PTPRN2: variants seen among roughly 807,000 people sequenced by gnomAD.
PTPRN2 encodes the protein receptor-type tyrosine-protein phosphatase N2.
In PTPRN2, 74 loss-of-function variants were observed where a neutral mutation model predicts 118.8. The ratio of observed to expected loss-of-function variants is 0.62; its 90% confidence interval spans 0.52 to 0.76. The LOEUF (loss-of-function observed/expected upper bound fraction) is 0.76. Ranked by LOEUF, PTPRN2 falls within the 30% of genes least tolerant of loss-of-function variation. PTPRN2 has a pLI of 0.00. For synonymous variants in PTPRN2, 641 were observed against 608.0 expected (o/e 1.05, Z -0.80); for missense variants, 1,481 against 1,394.4 (o/e 1.06, Z -0.99).
At chr7:157,651,779 C>T (rs938723608) in intron 14 of PTPRN2, among the ~76,000 whole-genome samples, 3 of 152,244 alleles carry the variant, frequency 2.0e-5, no homozygotes, top group African/African-American at 7.2e-5. Flanking sequence ...TGCGAAGTCG[C>T]CTTCATCACG....
intron 3 of PTPRN2, among the ~76,000 whole-genome samples, chr7:158,220,881 C>CAAAAAAAAAA (rs201797228): frequency 7.9e-6 from 1 of 126,778 alleles, no homozygotes. Flanking sequence ...CATATGGATC[C>CAAAAAAAAAA]AAAAAAAAAA....
intron 11 of PTPRN2, among the ~76,000 whole-genome samples, chr7:157,949,735 C>T (rs961910000): frequency 6.6e-6 from 1 of 152,210 alleles, no homozygotes; most frequent in Non-Finnish European, 1.5e-5. Flanking sequence ...ATAAAAGTCT[C>T]CTGCTCTATA....
intron 3 of PTPRN2, among the ~76,000 whole-genome samples, chr7:158,284,095 A>G (rs1346944452): frequency 1.3e-5 from 2 of 152,214 alleles, no homozygotes; most frequent in Non-Finnish European, 2.9e-5. Flanking sequence ...ATGCTCTTCA[A>G]TTCTCTCAAG....
chr7:157,986,946 G>A lies in PTPRN2; in HGVS notation c.1724-88209C>T, dbSNP rs1043423290. ...CATTTGCACGGTATCAGCTATAGCC[G>A]CAGTGAGAGGGAGGCTGCTGGACAC... On this transcript the variant is annotated intron_variant, in intron 11 of 22. Coordinates refer to ENST00000389418, the MANE Select transcript of PTPRN2 (RefSeq NM_002847.5). The surrounding 1 kb of genome is among the most constrained non-coding windows in gnomAD (Gnocchi z 4.5). Among the ~76,000 whole-genome samples the A allele has an allele frequency of 1.4e-4, 21 of 152,130 alleles. No homozygotes were observed. The highest frequency in any genetic ancestry group is 4.1e-4 in the African/African-American group (17 of 41,428).
chr7:158,410,012 T>C (rs1318481225), intron 2 of PTPRN2, among the ~76,000 whole-genome samples: 1 of 152,242 alleles, frequency 6.6e-6, no homozygotes, highest in African/African-American at 2.4e-5. Flanking sequence ...CTGAACAGCC[T>C]GGGTGGCTCC....
intron 21 of PTPRN2, among the ~76,000 whole-genome samples, chr7:157,549,641 T>G (rs1407058697): frequency 2.0e-5 from 3 of 152,232 alleles, no homozygotes; most frequent in Admixed American, 2.0e-4. Flanking sequence ...CAAATCATGC[T>G]ACTTAAGTTT....
chr7:158,110,844 G>C lies in PTPRN2; in HGVS notation c.1628C>G (p.Ala543Gly). 1.3e-6 allele frequency: 2 copies of C among 1,588,548 alleles called. No homozygotes were observed. The highest frequency in any genetic ancestry group is 1.7e-6 in the Non-Finnish European group (2 of 1,167,048). The change falls in exon 10 of 23, where the codon GCG becomes GGG. Residue 543 changes from alanine to glycine, a missense_variant. Physicochemically the swap from Ala to Gly is moderately conservative, Grantham distance 60. Transcript: ENST00000389418. ...CCGTACTTACTCCACGTCAGCGAAC[G>C]CACTGCTGGGCACCTGCAGGAGGCG... ...VARLLQVPSS[A>G]FADVEVLGPA...
intron 17 of PTPRN2, among the ~76,000 whole-genome samples, chr7:157,593,380 T>A (rs1473129056): frequency 1.3e-5 from 2 of 152,230 alleles, no homozygotes; most frequent in African/African-American, 2.4e-5. Context: ...GTGGCTTTGC[T>A]GGACAGAGAA....
At chr7:158,378,077 G>A (rs866308538) in intron 2 of PTPRN2, among the ~76,000 whole-genome samples, 3 of 152,154 alleles carry the variant, frequency 2.0e-5, no homozygotes, top group East Asian at 3.9e-4. Flanking sequence ...ACCTGGCTCC[G>A]GGACTATACA....
At chr7:158,569,957 C>G (rs60672747) in intron 1 of PTPRN2, among the ~76,000 whole-genome samples, 38,719 of 151,848 alleles carry the variant, frequency 0.25, 5,204 homozygotes, top group East Asian at 0.44. Context: ...CCCTCAGCCC[C>G]GCGCCCTGGC....
rs181840781 is a variant in PTPRN2, at chr7:158,535,177, T to A, written c.113-45392A>T. Among the ~76,000 whole-genome samples the A allele has an allele frequency of 8.4e-4, 128 of 152,328 alleles. 2 individuals are homozygous for A. The highest frequency in any genetic ancestry group is 3.0e-3 in the African/African-American group (123 of 41,584). ...AGTGTTGAAGTTCTGAGTTACCCTG[T>A]AGCAAAGGCATATCTTGTTCCTTCC... is the stretch of plus-strand genomic sequence containing the variant. On this transcript the variant is annotated intron_variant, in intron 1 of 22. Coordinates refer to ENST00000389418, the MANE Select transcript of PTPRN2 (RefSeq NM_002847.5).
intron 3 of PTPRN2, among the ~76,000 whole-genome samples, chr7:158,260,476 C>G (rs73522316): frequency 2.4e-4 from 36 of 152,266 alleles, no homozygotes; most frequent in African/African-American, 8.2e-4. Context: ...GAGACACAAC[C>G]GGATACGACT....
chr7:157,564,140 T>A (rs564173167), intron 21 of PTPRN2, among the ~76,000 whole-genome samples: 19 of 137,302 alleles, frequency 1.4e-4, no homozygotes, highest in African/African-American at 4.3e-4. Context: ...GAAAAAAAAA[T>A]ATATTTTTGA....
At chr7:158,313,552 C>T (rs1423700796) in intron 3 of PTPRN2, among the ~76,000 whole-genome samples, 2 of 151,988 alleles carry the variant, frequency 1.3e-5, no homozygotes. Flanking sequence ...TGCCTGGGAC[C>T]TCTGTCTCTA....
intron 2 of PTPRN2, among the ~76,000 whole-genome samples, chr7:158,399,412 G>A (rs1449995679): frequency 6.6e-6 from 1 of 152,204 alleles, no homozygotes; most frequent in Non-Finnish European, 1.5e-5. Context: ...AGTGTTTTGG[G>A]AGGCCAAGGC....
chr7:157,798,174 G>A (rs867432653), intron 12 of PTPRN2, among the ~76,000 whole-genome samples: 12 of 152,334 alleles, frequency 7.9e-5, no homozygotes, highest in South Asian at 2.1e-4. Flanking sequence ...CAGGAGAATC[G>A]TTTGAACCTG....
intron 2 of PTPRN2, among the ~76,000 whole-genome samples, chr7:158,472,733 A>G (rs1670350): frequency 0.7 from 105,992 of 152,154 alleles, 37,118 homozygotes; most frequent in Admixed American, 0.78. Flanking sequence ...GAGCAGACCA[A>G]CGTCCCAAGA....
rs112214251 is a variant in PTPRN2 at position 157,777,496 on chromosome 7, C to T, written c.1789-94559G>A. Among the ~76,000 whole-genome samples, 5 of 140,478 alleles carry T rather than the reference C, an allele frequency of 3.6e-5. No individual in the cohort carries two copies. In the East Asian group the frequency reaches 5.8e-4, roughly 16 times the overall value. 92.2% of individuals were successfully genotyped at this position (140,478 alleles called of 152,430 possible). A position where few individuals can be genotyped will look rare whatever the true frequency, so the allele number is the denominator to read the frequency against. On this transcript the variant is annotated intron_variant, in intron 12 of 22. Transcript: ENST00000389418. ...CTCAGGGACGCAGCCTTCCTGATGC[C>T]GGAGGACACGCAGTGCCCCACACTG...
chr7:157,770,031 T>G (rs2151023713), intron 12 of PTPRN2, among the ~76,000 whole-genome samples: 2 of 152,326 alleles, frequency 1.3e-5, no homozygotes, highest in African/African-American at 4.8e-5. Flanking sequence ...CCGTCCGGCC[T>G]GGGGTTCTCT....
Sources: gnomAD v4.1 joint callset for allele counts (sites outside exome capture counted in the v4.1 genomes callset) on GRCh38, gnomAD v4.1.1 for gene constraint, Gnocchi (gnomAD v3.1) non-coding constraint, MANE v1.5 for transcripts, NCBI Gene and HGNC (gene_info 2026-07-23, HGNC 2026-07-21) for gene names.